FLT4: variants seen among roughly 807,000 people sequenced by gnomAD.
FLT4 encodes the protein vascular endothelial growth factor receptor 3.
In FLT4, 30 loss-of-function variants were observed where a neutral mutation model predicts 163.2. The ratio of observed to expected loss-of-function variants is 0.18; its 90% confidence interval spans 0.14 to 0.25. The LOEUF (loss-of-function observed/expected upper bound fraction) is 0.25. FLT4 is among the 10% of genes least tolerant of loss of function. The probability of loss-of-function intolerance (pLI) is 1.00; values close to 1 mark genes in which losing one functional copy is unlikely to be tolerated. For synonymous variants in FLT4, 884 were observed against 789.5 expected (o/e 1.12, Z -2.01); for missense variants, 1,510 against 1,863.8 (o/e 0.81, Z 3.50).
intron 29 of FLT4, among the ~76,000 whole-genome samples, chr5:180,603,852 T>A (rs958786999): frequency 6.6e-6 from 1 of 150,612 alleles, no homozygotes; most frequent in Non-Finnish European, 1.5e-5. Flanking sequence ...TGCAGTGAGC[T>A]GAGATCGCAC....
In FLT4 at chr5:180,625,954, T is replaced by A. The variant is rs750135480; in HGVS notation, c.1336A>T (p.Thr446Ser). The A allele has an allele frequency of 6.2e-7, 1 of 1,612,730 alleles. No homozygotes were observed. Among genetic ancestry groups the A allele is most frequent in the Non-Finnish European group, 8.5e-7 (1 of 1,179,964 alleles). Residue 446 changes from threonine to serine, a missense_variant, in exon 10 of 30, where the codon ACG becomes TCG. This residue lies in a region of FLT4 where 878 missense variants were observed against 1,016.7 expected (regional missense o/e 0.86). Coordinates refer to ENST00000261937, the MANE Select transcript of FLT4 (RefSeq NM_182925.5). ...AGAGGCAGGGGCACCCCGTAGGCCG[T>A]GCAGGTGAGGGCCTGGCGGCTGTGA... Reference protein sequence around the residue: ...SRHSRQALTCTAYGVPLPLSI... With the variant: ...SRHSRQALTCSAYGVPLPLSI...
chr5:180,629,449 C>A (rs531563958), intron 6 of FLT4, 22 bp from the exon 7 acceptor site: 1 of 1,609,420 alleles, frequency 6.2e-7, no homozygotes, highest in South Asian at 1.1e-5. Context: ...CAGGGAAGCC[C>A]CGCGTCAGCA....
intron 22 of FLT4, 134 bp from the exon 23 acceptor site, chr5:180,616,623 G>A: frequency 1.0e-6 from 1 of 995,172 alleles, no homozygotes; most frequent in Non-Finnish European, 1.5e-6. Context: ...TTTGGGGAAG[G>A]ATTCCCATCC....
intron 23 of FLT4, among the ~76,000 whole-genome samples, chr5:180,615,216 A>C (rs1204519860): frequency 1.9e-5 from 2 of 106,578 alleles, no homozygotes; most frequent in African/African-American, 3.4e-5. Flanking sequence ...TCCCTTCTCC[A>C]CTTCCTTTTG....
At chr5:180,632,910 G>A (rs1295081531) in intron 1 of FLT4, among the ~76,000 whole-genome samples, 1 of 152,072 alleles carries the variant, frequency 6.6e-6, no homozygotes, top group Non-Finnish European at 1.5e-5. Context: ...AGGGAGGGCT[G>A]CATGGCCAGA....
intron 29 of FLT4, among the ~76,000 whole-genome samples, chr5:180,606,915 ACAAACAAAC>A (rs1415735481): frequency 1.3e-4 from 19 of 142,432 alleles, no homozygotes; most frequent in Non-Finnish European, 2.0e-4. Flanking sequence ...AAAAAAAAAA[ACAAACAAAC>A]AAACTTAGCT....
intron 1 of FLT4, among the ~76,000 whole-genome samples, chr5:180,642,206 G>GAAA (rs56315811): frequency 7.6e-6 from 1 of 132,188 alleles, no homozygotes. Context: ...GACTCTGTGT[G>GAAA]AAAAAAAAAA....
Position 180,636,063 on chromosome 5 carries a change from G to T in FLT4, c.59-4285C>A, listed in dbSNP as rs948123203. 6.6e-6 allele frequency among the ~76,000 whole-genome samples: 1 copy of T among 151,934 alleles called. No individual in the cohort carries two copies. The highest frequency in any genetic ancestry group is 1.5e-5 in the Non-Finnish European group (1 of 67,960). The stretch of plus-strand genomic sequence containing the variant: ...AAGTGGATGGGTGAAGGGTGGATGG[G>T]GAGAGGAGTCTGTAGGAGCTTCCTC... On this transcript the variant is annotated intron_variant, in intron 1 of 29. Coordinates refer to ENST00000261937, the MANE Select transcript of FLT4 (RefSeq NM_182925.5). The surrounding 1 kb of genome is among the most constrained non-coding windows in gnomAD (Gnocchi z 4.3).
intron 13 of FLT4, 109 bp downstream of exon 13, chr5:180,621,433 G>A: frequency 4.0e-6 from 6 of 1,508,308 alleles, no homozygotes; most frequent in Non-Finnish European, 5.4e-6. Context: ...AGCTCCTGCA[G>A]GCCAGGGCTG....
intron 12 of FLT4, 117 bp from the exon 13 acceptor site, chr5:180,622,021 G>A: frequency 7.9e-7 from 1 of 1,261,582 alleles, no homozygotes; most frequent in Non-Finnish European, 1.1e-6. Flanking sequence ...AGGGGCCCCA[G>A]CTGGACTGCT....
Position 180,608,920 on chromosome 5 carries a change from G to A in FLT4, c.3893+48C>T, listed in dbSNP as rs139648897. 1.2e-4 allele frequency: 180 copies of A among 1,492,550 alleles called. No homozygotes were observed. In the African/African-American group the frequency reaches 2.3e-3, roughly 19 times the overall value. 92.5% of individuals were successfully genotyped at this position (1,492,550 alleles called of 1,614,324 possible). A position where few individuals can be genotyped will look rare whatever the true frequency, so the allele number is the denominator to read the frequency against. ...AGACCCCAGCCTCCCTCCTCCAGGG[G>A]AGGGCAACATCGATACCTGCAGTGC... On this transcript the variant is annotated intron_variant, in intron 29 of 29. Coordinates refer to ENST00000261937, the MANE Select transcript of FLT4 (RefSeq NM_182925.5).
chr5:180,617,036 G>T (rs965380720), intron 21 of FLT4, 42 bp from the exon 22 acceptor site: 4 of 1,455,610 alleles, frequency 2.7e-6, no homozygotes, highest in Admixed American at 1.7e-5. Context: ...CGCCTCCTCC[G>T]CGGCCTCCAT....
intron 1 of FLT4, among the ~76,000 whole-genome samples, chr5:180,639,395 A>ATGGATGGG (rs1764932627): frequency 6.8e-6 from 1 of 146,898 alleles, no homozygotes; most frequent in African/African-American, 2.5e-5. Flanking sequence ...GGATGGATGG[A>ATGGATGGG]TGGACGGATG....
intron 1 of FLT4, among the ~76,000 whole-genome samples, chr5:180,648,113 G>A (rs1765569840): frequency 6.6e-6 from 1 of 152,166 alleles, no homozygotes. Context: ...CTACAGCCCT[G>A]CAGTCCAACC....
chr5:180,648,212 C>T (rs1561768412), intron 1 of FLT4, among the ~76,000 whole-genome samples: 1 of 152,232 alleles, frequency 6.6e-6, no homozygotes. Flanking sequence ...GGGCAGCGCC[C>T]TGATCTGGCC....
chr5:180,632,636 G>GCA (rs1764275232), intron 1 of FLT4, among the ~76,000 whole-genome samples: 1 of 141,646 alleles, frequency 7.1e-6, no homozygotes, highest in African/African-American at 2.6e-5. Flanking sequence ...GTGTGTGTGT[G>GCA]CACACGCGTG....
chr5:180,649,247 C>T (rs972839929), intron 1 of FLT4, among the ~76,000 whole-genome samples: 2 of 151,860 alleles, frequency 1.3e-5, no homozygotes, highest in African/African-American at 4.8e-5. Flanking sequence ...GAGAGCTACC[C>T]CTGCGCCGAG....
chr5:180,619,302 G>A lies in FLT4; in HGVS notation c.2712C>T (p.Gly904=), dbSNP rs1403115700. The change falls in exon 19 of 30, where the codon GGC becomes GGT. Residue 904 remains glycine, a synonymous_variant. Transcript: ENST00000261937. ...MSELKILIHI[G]NHLNVVNLLG... The stretch of plus-strand genomic sequence containing the variant: ...GGAGGTTGACCACGTTGAGGTGGTT[G>A]CCGATGTGAATGAGGATCTTGAGCT... 1.2e-6 allele frequency: 2 copies of A among 1,611,296 alleles called. No homozygotes were observed. The highest frequency in any genetic ancestry group is 1.7e-6 in the Non-Finnish European group (2 of 1,179,516).
chr5:180,607,379 G>A (rs146545346), intron 29 of FLT4, among the ~76,000 whole-genome samples: 2,942 of 152,304 alleles, frequency 0.019, 59 homozygotes, highest in Middle Eastern at 0.048. Context: ...GCTCAGGCCT[G>A]TAATCCCAGC....
Sources: gnomAD v4.1 joint callset for allele counts (sites outside exome capture counted in the v4.1 genomes callset) on GRCh38, gnomAD v4.1.1 for gene constraint, gnomAD v4.1.1 regional missense constraint, Gnocchi (gnomAD v3.1) non-coding constraint, MANE v1.5 for transcripts, NCBI Gene and HGNC (gene_info 2026-07-23, HGNC 2026-07-21) for gene names.